Variants in DENND1B observed in about 807,000 individuals in gnomAD.
The protein encoded by DENND1B is DENN domain containing 1B.
Under a neutral mutation model 90.1 loss-of-function variants are expected in DENND1B, and 59 were observed. That is an observed-to-expected ratio of 0.65 (90% CI 0.53 to 0.81). The LOEUF is 0.81. Ranked by LOEUF, DENND1B falls within the 40% of genes least tolerant of loss-of-function variation. The pLI, the probability that DENND1B is intolerant of heterozygous loss-of-function variation, is 0.00. For synonymous variants in DENND1B, 337 were observed against 324.6 expected (o/e 1.04, Z -0.41); for missense variants, 862 against 912.6 (o/e 0.94, Z 0.71).
intron 10 of DENND1B, among the ~76,000 whole-genome samples, chr1:197,626,729 T>C (rs530824481): frequency 6.6e-6 from 1 of 151,890 alleles, no homozygotes; most frequent in Non-Finnish European, 1.5e-5. Flanking sequence ...AAAAAATTAA[T>C]GAATCCAGGA....
chr1:197,756,187 T>A (rs539133623), intron 2 of DENND1B, among the ~76,000 whole-genome samples: 5 of 152,212 alleles, frequency 3.3e-5, no homozygotes, highest in Non-Finnish European at 5.9e-5. Flanking sequence ...ACTAACTGAT[T>A]GATAGAATTA....
intron 16 of DENND1B, among the ~76,000 whole-genome samples, chr1:197,550,387 G>C (rs1433937778): frequency 6.6e-6 from 1 of 152,060 alleles, no homozygotes; most frequent in Non-Finnish European, 1.5e-5. Flanking sequence ...GTAAATTATT[G>C]AGCTGAATAC....
intron 12 of DENND1B, among the ~76,000 whole-genome samples, chr1:197,608,579 ACATGT>A: frequency 6.6e-6 from 1 of 150,648 alleles, no homozygotes; most frequent in East Asian, 1.9e-4. Flanking sequence ...GTGTGAAAAA[ACATGT>A]CATAATTTTG....
chr1:197,549,710 C>A (rs928478981), intron 16 of DENND1B, among the ~76,000 whole-genome samples: 5 of 152,088 alleles, frequency 3.3e-5, no homozygotes, highest in African/African-American at 1.2e-4. Flanking sequence ...TTACTCTTCC[C>A]TTCACACATT....
intron 10 of DENND1B, among the ~76,000 whole-genome samples, chr1:197,621,454 A>T (rs1453044218): frequency 6.6e-6 from 1 of 151,434 alleles, no homozygotes; most frequent in East Asian, 1.9e-4. Flanking sequence ...AAAATAAACT[A>T]CATATTTTAG....
At chr1:197,774,720 T>C (rs2102527831) in intron 1 of DENND1B, 1 of 156,664 alleles carries the variant, frequency 6.4e-6, no homozygotes, top group South Asian at 2.1e-4. Flanking sequence ...CTCGGAATAA[T>C]AACCTCTTAA....
Position 197,510,939 on chromosome 1 carries a change from C to A in DENND1B, c.1849G>T (p.Ala617Ser). Residue 617 changes from alanine to serine, a missense_variant, in exon 23 of 23, where the codon GCT (alanine) becomes TCT (serine). By Grantham distance (99) the Ala-to-Ser change is moderately conservative. Coordinates refer to ENST00000620048, the MANE Select transcript of DENND1B (RefSeq NM_001195215.2). ...KSNAPSENNL[A>S]FLCGGSGDQA... ...TCACCAGAACCACCACAGAGGAAAG[C>A]CAGGTTATTCTCACTAGGAGCATTA... 2 of 1,548,386 alleles carry A rather than the reference C, an allele frequency of 1.3e-6. No individual in the cohort carries two copies. The highest frequency in any genetic ancestry group is 1.3e-5 in the South Asian group (1 of 79,694).
chr1:197,593,075 G>C (rs895796291), intron 14 of DENND1B, among the ~76,000 whole-genome samples: 1 of 151,812 alleles, frequency 6.6e-6, no homozygotes, highest in Admixed American at 6.6e-5. Context: ...AGTAAAGAGA[G>C]AAGACATTGG....
At chr1:197,544,097 A>G (rs1366613131) in intron 18 of DENND1B, among the ~76,000 whole-genome samples, 1 of 152,230 alleles carries the variant, frequency 6.6e-6, no homozygotes, top group Non-Finnish European at 1.5e-5. Context: ...TTGAGAGAGA[A>G]ATGTACACAG....
intron 20 of DENND1B, among the ~76,000 whole-genome samples, chr1:197,522,454 T>C (rs937876799): frequency 2.0e-5 from 3 of 152,100 alleles, no homozygotes; most frequent in East Asian, 1.9e-4. Context: ...TCCCAGTCCA[T>C]AGTGATTTCA....
chr1:197,551,741 A>G (rs752692681), intron 16 of DENND1B, among the ~76,000 whole-genome samples: 2 of 152,132 alleles, frequency 1.3e-5, no homozygotes, highest in Non-Finnish European at 1.5e-5. Flanking sequence ...TAAATACCGA[A>G]TAGATGCCTT....
At chr1:197,598,778 C>T (rs1177808874) in intron 13 of DENND1B, among the ~76,000 whole-genome samples, 2 of 151,776 alleles carry the variant, frequency 1.3e-5, no homozygotes, top group Non-Finnish European at 2.9e-5. Context: ...CCTCAACCTC[C>T]AATGGCTAAG....
At chr1:197,745,933 G>A (rs114384416) in intron 2 of DENND1B, among the ~76,000 whole-genome samples, 1 of 151,976 alleles carries the variant, frequency 6.6e-6, no homozygotes. Context: ...CAAGTCTACT[G>A]CTTCCAATAA....
At chr1:197,736,074 G>C in intron 2 of DENND1B, 1 of 822,152 alleles carries the variant, frequency 1.2e-6, no homozygotes, top group Non-Finnish European at 2.0e-6. Context: ...TGAAGCCCGT[G>C]AAAGTTTCAG....
At chr1:197,511,623 T>C in intron 22 of DENND1B, 105 bp downstream of exon 22, 1 of 761,400 alleles carries the variant, frequency 1.3e-6, no homozygotes, top group Non-Finnish European at 1.9e-6. Flanking sequence ...CCTTACCTAC[T>C]TAGAGGTTAA....
At chr1:197,780,755 A>C in the DENND1B span, among the ~76,000 whole-genome samples, 1 of 152,210 alleles carries the variant, frequency 6.6e-6, no homozygotes, top group Non-Finnish European at 1.5e-5. Context: ...TGATCAGACT[A>C]TAATGGATAA....
intron 20 of DENND1B, among the ~76,000 whole-genome samples, chr1:197,519,344 A>G (rs1446052090): frequency 6.6e-6 from 1 of 151,946 alleles, no homozygotes; most frequent in Non-Finnish European, 1.5e-5. Context: ...TAATGAACTG[A>G]TAAGAAAAAC....
At position 197,658,364 on chromosome 1, in the gene DENND1B, A is replaced by C. The variant is rs1350097633; in HGVS notation, c.302T>G (p.Leu101Arg). The change falls in exon 6 of 23, where the codon CTT (leucine) becomes CGT (arginine). Residue 101 changes from leucine to arginine, a missense_variant. Physicochemically the swap from Leu to Arg is moderately radical, Grantham distance 102. Coordinates refer to ENST00000620048, the MANE Select transcript of DENND1B (RefSeq NM_001195215.2). ...CTTGTAATACACTTCAAACCAGGGA[A>C]GGTAACTGTAAAATAATTATTTTAA... ...GTICLCILSY[L>R]PWFEVYYKLL... 2 of 1,593,370 alleles carry C rather than the reference A, an allele frequency of 1.3e-6. No homozygotes were observed. Among genetic ancestry groups the C allele is most frequent in the East Asian group, 2.2e-5 (1 of 44,574 alleles).
intron 3 of DENND1B, among the ~76,000 whole-genome samples, chr1:197,695,944 CA>C (rs1006392809): frequency 4.0e-5 from 6 of 151,244 alleles, no homozygotes; most frequent in African/African-American, 1.4e-4. Context: ...TTAAATAATA[CA>C]AAATTTTTTA....
Sources: allele counts gnomAD v4.1 joint callset (sites outside exome capture counted in the v4.1 genomes callset), GRCh38; gene constraint gnomAD v4.1.1; transcripts MANE v1.5; gene names NCBI Gene and HGNC (gene_info 2026-07-23, HGNC 2026-07-21).